The following TDG variants were observed in gnomAD, a reference collection of about 807,000 sequenced individuals.
TDG encodes the protein G/T mismatch-specific thymine DNA glycosylase.
In TDG, 23 loss-of-function variants were observed where a neutral mutation model predicts 46.1. The observed-to-expected ratio is 0.50, with a 90% CI of 0.36 to 0.71. The LOEUF is 0.71. Ranked by LOEUF, TDG falls within the 30% of genes least tolerant of loss-of-function variation. The probability of loss-of-function intolerance (pLI) is 0.00; values close to 1 mark genes in which losing one functional copy is unlikely to be tolerated. For synonymous variants in TDG, 115 were observed against 161.3 expected, an observed-to-expected ratio of 0.71 and a Z score of 2.18; for missense variants, 304 against 486.7, an observed-to-expected ratio of 0.62 and a Z score of 3.53.
At chr12:103,970,271 A>G (rs1247666540) in intron 1 of TDG, among the ~76,000 whole-genome samples, 1 of 152,188 alleles carries the variant, frequency 6.6e-6, no homozygotes, top group Non-Finnish European at 1.5e-5. Flanking sequence ...TGAGACCAGA[A>G]GTTCAAGACT....
chr12:103,972,333 G>A (rs185568040), intron 1 of TDG, among the ~76,000 whole-genome samples: 7 of 152,234 alleles, frequency 4.6e-5, no homozygotes, highest in Admixed American at 2.0e-4. Flanking sequence ...TGGCCAGGCC[G>A]GTCTCGAACT....
intron 1 of TDG, among the ~76,000 whole-genome samples, chr12:103,972,558 C>A (rs1391282204): frequency 6.6e-6 from 1 of 152,186 alleles, no homozygotes; most frequent in African/African-American, 2.4e-5. Context: ...TTGAGGTAAA[C>A]AAACTAAGTT....
intron 2 of TDG, among the ~76,000 whole-genome samples, 162 bp from the exon 3 acceptor site, chr12:103,979,665 GAGAA>G: frequency 6.6e-6 from 1 of 152,086 alleles, no homozygotes; most frequent in Non-Finnish European, 1.5e-5. Context: ...CAGTTCTAGG[GAGAA>G]AGAAAGGGAA....
chr12:103,982,763 TA>T (rs752855757), intron 4 of TDG, 35 bp from the exon 5 acceptor site: 509 of 1,549,064 alleles, frequency 3.3e-4, no homozygotes, highest in Admixed American at 6.4e-4. Context: ...AGACCCTGTC[TA>T]AAAAAAAATA....
intron 4 of TDG, 108 bp downstream of exon 4, chr12:103,981,070 C>G (rs965503449): frequency 1.1e-6 from 1 of 913,872 alleles, no homozygotes; most frequent in African/African-American, 1.7e-5. Context: ...ACTGTAAATA[C>G]ACATTCGTGT....
chr12:103,981,695 A>T (rs1236730231), intron 4 of TDG, among the ~76,000 whole-genome samples: 2 of 152,144 alleles, frequency 1.3e-5, no homozygotes, highest in African/African-American at 4.8e-5. Flanking sequence ...GTAAAGACTC[A>T]TATTTTTAGA....
At chr12:103,966,166 A>G in intron 1 of TDG, 106 bp downstream of exon 1, 6 of 1,349,018 alleles carry the variant, frequency 4.4e-6, no homozygotes, top group East Asian at 3.0e-5. Flanking sequence ...CGGCCGGAAT[A>G]CAAAGGCCGG....
chr12:103,973,107 G>C (rs4135069), intron 1 of TDG: 1 of 68,330 alleles, frequency 1.5e-5, no homozygotes, highest in East Asian at 1.1e-3. Flanking sequence ...TTTTTGAGAC[G>C]GAGTTTCGCT....
intron 1 of TDG, among the ~76,000 whole-genome samples, chr12:103,972,347 A>G (rs986623404): frequency 6.6e-6 from 1 of 152,090 alleles, no homozygotes; most frequent in Admixed American, 6.6e-5. Flanking sequence ...TCGAACTCCT[A>G]ACCTCGTGAT....
At chr12:103,974,787 G>A (rs184988024) in intron 1 of TDG, among the ~76,000 whole-genome samples, 129 of 151,926 alleles carry the variant, frequency 8.5e-4, no homozygotes, top group African/African-American at 1.6e-3. Context: ...TGGCTAACAC[G>A]GTGAAACCCT....
Position 103,987,127 on chromosome 12 carries a change from T to C in TDG, c.*37T>C. 6.2e-7 allele frequency: 1 copy of C among 1,601,854 alleles called. No homozygotes were observed. Among genetic ancestry groups the C allele is most frequent in the Non-Finnish European group, 8.5e-7 (1 of 1,171,038 alleles). On this transcript the variant is annotated 3_prime_UTR_variant, in exon 10 of 10. Coordinates refer to ENST00000392872, the MANE Select transcript of TDG (RefSeq NM_003211.6). ...CTCAGCTCTGCTTAAATGCTGCAGT[T>C]TTAATGCAGTTGTCAACAAGTAGAA...
At position 103,983,404 on chromosome 12, in the gene TDG, T is replaced by C. The variant is rs201703206; in HGVS notation, c.792+15T>C. ...ACACAGAAACTGTAAGTCCCTAAAA[T>C]TGAATTTGTAAATCAGCTAAATGTG... On this transcript the variant is annotated intron_variant, in intron 7 of 9. Transcript: ENST00000392872. 249 of 1,539,858 alleles carry C rather than the reference T, an allele frequency of 1.6e-4. 1 individual carries two copies. In the African/African-American group the frequency reaches 3.1e-3, roughly 19 times the overall value.
At chr12:103,985,549 C>T in intron 8 of TDG, 54 bp from the exon 9 acceptor site, 2 of 1,544,670 alleles carry the variant, frequency 1.3e-6, no homozygotes, top group Non-Finnish European at 1.7e-6. Flanking sequence ...AATAAAGCTA[C>T]TTTTAAAATT....
chr12:103,985,074 CATATAT>C (rs1566184246), intron 8 of TDG, among the ~76,000 whole-genome samples, 154 bp downstream of exon 8: 8 of 127,102 alleles, frequency 6.3e-5, no homozygotes, highest in Admixed American at 1.6e-4. Flanking sequence ...TGTATATATA[CATATAT>C]ACACATAAGT....
intron 1 of TDG, chr12:103,968,024 T>A (rs1483208906): frequency 1.5e-5 from 2 of 136,054 alleles, no homozygotes; most frequent in East Asian, 3.9e-4. Flanking sequence ...GAGACGAGGT[T>A]TCACCATTTT....
chr12:103,974,565 G>A lies in TDG; in HGVS notation c.24-2353G>A, dbSNP rs371985478. On this transcript the variant is annotated intron_variant, in intron 1 of 9. Coordinates refer to ENST00000392872, the MANE Select transcript of TDG (RefSeq NM_003211.6). ...CAAAGCACTAGGATTACAGACATAA[G>A]CCACCGTGCCTGGCCTCATTTCCCT... 2.0e-5 allele frequency among the ~76,000 whole-genome samples: 3 copies of A among 152,122 alleles called. No homozygotes were observed. The East Asian group carries it at 5.8e-4, about 29-fold the overall frequency.
intron 1 of TDG, among the ~76,000 whole-genome samples, chr12:103,975,292 A>G (rs1434750903): frequency 6.6e-6 from 1 of 152,226 alleles, no homozygotes; most frequent in Non-Finnish European, 1.5e-5. Flanking sequence ...AGAGAGGTTT[A>G]GAGGTTTTTT....
chr12:103,984,780 G>A lies in TDG; in HGVS notation c.824G>A (p.Arg275Lys), dbSNP rs1872025327. Residue 275 changes from arginine (R) to lysine (K), a missense_variant, in exon 8 of 10, where the codon AGA becomes AAA. By Grantham distance (26) the Arg-to-Lys change is conservative (BLOSUM62 2). Transcript: ENST00000392872. ...LCYVMPSSSA[R>K]CAQFPRAQDK... Reference sequence around the variant, plus strand: ...TATGTTATGCCATCATCCAGTGCAAGATGTGCTCAGTTTCCTCGAGCCCAA... The same window carrying A: ...TATGTTATGCCATCATCCAGTGCAAAATGTGCTCAGTTTCCTCGAGCCCAA... The A allele has an allele frequency of 1.2e-6, 2 of 1,612,278 alleles. No individual in the cohort carries two copies. The highest frequency in any genetic ancestry group is 4.5e-5 in the East Asian group (2 of 44,874).
At chr12:103,974,109 C>G (rs1871400304) in intron 1 of TDG, among the ~76,000 whole-genome samples, 1 of 152,134 alleles carries the variant, frequency 6.6e-6, no homozygotes, top group Admixed American at 6.6e-5. Flanking sequence ...ACATTTAGCC[C>G]AGCCGCTGGG....
Sources: allele counts gnomAD v4.1 joint callset (sites outside exome capture counted in the v4.1 genomes callset), GRCh38; gene constraint gnomAD v4.1.1; transcripts MANE v1.5; gene names NCBI Gene and HGNC (gene_info 2026-07-23, HGNC 2026-07-21).